The following PDZRN3 variants were observed in gnomAD, a reference collection of about 807,000 sequenced individuals.
The protein encoded by PDZRN3 is E3 ubiquitin-protein ligase PDZRN3.
PDZRN3 carries 38 observed loss-of-function variants against 85.7 expected under a neutral mutation model. The ratio of observed to expected loss-of-function variants is 0.44; its 90% CI spans 0.34 to 0.58. The LOEUF (loss-of-function observed/expected upper bound fraction) is 0.58. PDZRN3 is among the 20% of genes least tolerant of loss of function. The pLI is 0.01. For missense variants in PDZRN3, 1,629 were observed against 1,506.4 expected, an observed-to-expected ratio of 1.08 and a Z score of -1.35; for synonymous variants, 759 against 638.0, an observed-to-expected ratio of 1.19 and a Z score of -2.86.
At chr3:73,612,234 G>A (rs751329742) in intron 1 of PDZRN3, among the ~76,000 whole-genome samples, 4 of 152,170 alleles carry the variant, frequency 2.6e-5, no homozygotes, top group Non-Finnish European at 5.9e-5. Flanking sequence ...CTGAGGCTCA[G>A]GGAAAATCAG....
chr3:73,534,209 G>C (rs1175196721), intron 3 of PDZRN3, among the ~76,000 whole-genome samples: 1 of 152,116 alleles, frequency 6.6e-6, no homozygotes, highest in East Asian at 1.9e-4. Flanking sequence ...CAGGGCTCCT[G>C]CTTGTCTCAG....
At chr3:73,411,708 G>A (rs536741332) in intron 3 of PDZRN3, among the ~76,000 whole-genome samples, 1 of 152,168 alleles carries the variant, frequency 6.6e-6, no homozygotes, top group Non-Finnish European at 1.5e-5. Flanking sequence ...TAGCAAAAGG[G>A]CTTGAAAACG....
At chr3:73,500,276 T>C (rs1230258966) in intron 3 of PDZRN3, among the ~76,000 whole-genome samples, 1 of 152,188 alleles carries the variant, frequency 6.6e-6, no homozygotes, top group East Asian at 1.9e-4. Flanking sequence ...ATGGAACTCC[T>C]GGGCTCAAGC....
chr3:73,618,278 C>T (rs1461747723), intron 1 of PDZRN3, among the ~76,000 whole-genome samples: 2 of 152,114 alleles, frequency 1.3e-5, no homozygotes, highest in Admixed American at 6.5e-5. Context: ...TGCATGTACA[C>T]CTCCAATCCA....
At chr3:73,537,779 C>T (rs1440084301) in intron 3 of PDZRN3, among the ~76,000 whole-genome samples, 3 of 140,486 alleles carry the variant, frequency 2.1e-5, no homozygotes, top group Non-Finnish European at 4.6e-5. Context: ...GCCACCACAC[C>T]CGGCTAATTT....
intron 3 of PDZRN3, among the ~76,000 whole-genome samples, chr3:73,527,933 C>T (rs576174382): frequency 4.8e-4 from 73 of 152,330 alleles, no homozygotes; most frequent in South Asian, 3.7e-3. Flanking sequence ...TCTTATCCCA[C>T]GATGAGCAGA....
At chr3:73,400,191 A>AT (rs1459651100) in intron 5 of PDZRN3, among the ~76,000 whole-genome samples, 28 of 152,346 alleles carry the variant, frequency 1.8e-4, no homozygotes, top group South Asian at 6.2e-4. Flanking sequence ...AAATGCTGTT[A>AT]TATTTTTTGA....
At chr3:73,451,323 T>C (rs1702857038) in intron 3 of PDZRN3, among the ~76,000 whole-genome samples, 1 of 152,208 alleles carries the variant, frequency 6.6e-6, no homozygotes, top group Non-Finnish European at 1.5e-5. Context: ...ATTTGTGTTG[T>C]TGGGAGTGGA....
chr3:73,454,290 G>A (rs1436908618), intron 3 of PDZRN3, among the ~76,000 whole-genome samples: 2 of 152,186 alleles, frequency 1.3e-5, no homozygotes, highest in African/African-American at 4.8e-5. Context: ...ACCAGAGAGT[G>A]TAGAGAAACT....
intron 3 of PDZRN3, among the ~76,000 whole-genome samples, chr3:73,498,943 T>C (rs1226379014): frequency 6.6e-6 from 1 of 152,124 alleles, no homozygotes; most frequent in Non-Finnish European, 1.5e-5. Context: ...TGCGGGTCGC[T>C]GGTCAGGCTT....
At chr3:73,547,209 G>A (rs1701447355) in intron 3 of PDZRN3, among the ~76,000 whole-genome samples, 1 of 152,190 alleles carries the variant, frequency 6.6e-6, no homozygotes. Flanking sequence ...TCTGGAAACA[G>A]GTTGACTCAT....
intron 1 of PDZRN3, among the ~76,000 whole-genome samples, chr3:73,620,730 C>G (rs1163442538): frequency 6.6e-6 from 1 of 152,122 alleles, no homozygotes; most frequent in Non-Finnish European, 1.5e-5. Flanking sequence ...GTGCCCGCCA[C>G]CGCGCCCAGC....
At position 73,501,619 on chromosome 3, in the gene PDZRN3, G is replaced by A. The variant is rs868313437; in HGVS notation, c.919-97224C>T. ...TGTTGGAAAGAAGTGGATGCAACGCGAGGCTCTCAGGGTGTCAAAGGAAAA... is the reference window on the plus strand; with the variant it reads ...TGTTGGAAAGAAGTGGATGCAACGCAAGGCTCTCAGGGTGTCAAAGGAAAA... On this transcript the variant is annotated intron_variant, in intron 3 of 9. Transcript: ENST00000263666. Among the ~76,000 whole-genome samples, 10 of 152,328 alleles carry A rather than the reference G, an allele frequency of 6.6e-5. No individual in the cohort carries two copies. The Middle Eastern group carries it at 0.01, about 155-fold the overall frequency.
intron 3 of PDZRN3, among the ~76,000 whole-genome samples, chr3:73,469,556 G>A (rs933925161): frequency 3.9e-5 from 6 of 152,168 alleles, no homozygotes; most frequent in South Asian, 2.1e-4. Context: ...TACAATCACC[G>A]TTCATGTAGG....
At chr3:73,495,567 CTTTA>C (rs1418954875) in intron 3 of PDZRN3, among the ~76,000 whole-genome samples, 1 of 152,194 alleles carries the variant, frequency 6.6e-6, no homozygotes, top group East Asian at 1.9e-4. Context: ...TAATTCTATA[CTTTA>C]TTTAATTATT....
At chr3:73,442,317 G>A (rs1384845088) in intron 3 of PDZRN3, among the ~76,000 whole-genome samples, 1 of 152,208 alleles carries the variant, frequency 6.6e-6, no homozygotes, top group Non-Finnish European at 1.5e-5. Context: ...AGGAATTCAG[G>A]TGGCGGGCCT....
chr3:73,415,668 A>C (rs1702067023), intron 3 of PDZRN3, among the ~76,000 whole-genome samples: 1 of 152,168 alleles, frequency 6.6e-6, no homozygotes, highest in Non-Finnish European at 1.5e-5. Flanking sequence ...ATTGCGTTTA[A>C]TGATTTTGCA....
At chr3:73,537,735 T>G (rs1275563718) in intron 3 of PDZRN3, among the ~76,000 whole-genome samples, 2 of 151,674 alleles carry the variant, frequency 1.3e-5, no homozygotes, top group African/African-American at 4.9e-5. Flanking sequence ...TTCTTCTACC[T>G]CAGCCTCTCA....
intron 3 of PDZRN3, among the ~76,000 whole-genome samples, chr3:73,580,828 C>A (rs894398582): frequency 6.6e-6 from 1 of 152,174 alleles, no homozygotes; most frequent in African/African-American, 2.4e-5. Flanking sequence ...AGTAATTCTG[C>A]CTAAATTACT....
Sources: gnomAD v4.1 joint callset for allele counts (sites outside exome capture counted in the v4.1 genomes callset) on GRCh38, gnomAD v4.1.1 for gene constraint, MANE v1.5 for transcripts, NCBI Gene and HGNC (gene_info 2026-07-23, HGNC 2026-07-21) for gene names.